Variants in STAB2 observed in about 807,000 individuals in gnomAD.
The protein encoded by STAB2 is stabilin-2.
In STAB2, 288 loss-of-function variants were observed where a neutral mutation model predicts 338.1. The observed-to-expected ratio is 0.85, with a 90% CI of 0.77 to 0.94. STAB2 has a LOEUF of 0.94. Among genes scored for constraint, STAB2 ranks in the 40% least tolerant of loss-of-function variants. The pLI is 0.00. For synonymous variants in STAB2, 1,202 were observed against 1,193.3 expected (o/e 1.01, Z -0.15); for missense variants, 3,141 against 3,210.1 (o/e 0.98, Z 0.52).
intron 33 of STAB2, among the ~76,000 whole-genome samples, chr12:103,698,514 G>A (rs528801689): frequency 6.6e-6 from 1 of 152,200 alleles, no homozygotes; most frequent in East Asian, 1.9e-4. Context: ...GGCTGACATA[G>A]GCTCTCTCAG....
chr12:103,634,456 T>A (rs1826593), intron 6 of STAB2, among the ~76,000 whole-genome samples: 34,862 of 151,982 alleles, frequency 0.23, 4,322 homozygotes, highest in South Asian at 0.41. Context: ...CTACAATCTG[T>A]ATCAAACTTT....
At chr12:103,675,365 T>TG (rs1196185055) in intron 23 of STAB2, among the ~76,000 whole-genome samples, 1 of 152,082 alleles carries the variant, frequency 6.6e-6, no homozygotes, top group Admixed American at 6.6e-5. Context: ...AATGTGGTGT[T>TG]GGGGGAAAAA....
Position 103,763,618 on chromosome 12 carries a change from C to T in STAB2, c.7605+10C>T, listed in dbSNP as rs1280455996. 2.5e-6 allele frequency: 4 copies of T among 1,610,034 alleles called. No homozygotes were observed. In the East Asian group the frequency reaches 8.9e-5, roughly 36 times the overall value. The stretch of plus-strand genomic sequence containing the variant: ...CTACGACCCCTTCACGGTGAGTTTG[C>T]ATTCTTATCTAGGAATAGGTTCCCT... On this transcript the variant is annotated intron_variant, in intron 68 of 68. Coordinates refer to ENST00000388887, the MANE Select transcript of STAB2 (RefSeq NM_017564.10).
Position 103,713,632 on chromosome 12 carries a change from A to T in STAB2, c.4412-11A>T. 1 of 1,613,532 alleles carries T rather than the reference A, an allele frequency of 6.2e-7. No homozygotes were observed. The highest frequency in any genetic ancestry group is 2.2e-5 in the East Asian group (1 of 44,860). ...TCCCTCTCCCCTTCTGCTCTGTGTC[A>T]TCTTCTATAGCAATCAATGCCTGTG... On this transcript the variant is annotated splice_polypyrimidine_tract_variant and intron_variant, in intron 41 of 68. Transcript: ENST00000388887.
chr12:103,660,216 C>A lies in STAB2; in HGVS notation c.1735-115C>A. On this transcript the variant is annotated intron_variant, in intron 15 of 68. Transcript: ENST00000388887. Reference sequence around the variant, plus strand: ...GGGGTTTCTCTCACCCTGGATTTCCCAATAGATTATGGGTCATTTTTCTTG... The same window carrying A: ...GGGGTTTCTCTCACCCTGGATTTCCAAATAGATTATGGGTCATTTTTCTTG... 4.5e-6 allele frequency: 5 copies of A among 1,115,420 alleles called. No homozygotes were observed. In the South Asian group the frequency reaches 5.1e-5, roughly 11 times the overall value. 69.1% of individuals were successfully genotyped at this position (1,115,420 alleles called of 1,614,324 possible). A position where few individuals can be genotyped will look rare whatever the true frequency, so the allele number is the denominator to read the frequency against.
chr12:103,766,439 ACTCAGAAGCCATAC>A lies in STAB2; in HGVS notation c.*108_*121del. On this transcript the variant is annotated 3_prime_UTR_variant, in exon 69 of 69. Transcript: ENST00000388887. ...TTTAGGAACGTAAAGTCCTTTAAGC[ACTCAGAAGCCATAC>A]CTCATCTCTCTGGCTGATCTGGGGG... The A allele has an allele frequency of 7.4e-7, 1 of 1,343,644 alleles. No homozygotes were observed. The highest frequency in any genetic ancestry group is 1.5e-5 in the African/African-American group (1 of 68,418). 83.2% of individuals were successfully genotyped at this position (1,343,644 alleles called of 1,614,324 possible). A position where few individuals can be genotyped will look rare whatever the true frequency, so the allele number is the denominator to read the frequency against.
chr12:103,605,747 T>C (rs564399453), intron 3 of STAB2, among the ~76,000 whole-genome samples: 1 of 152,188 alleles, frequency 6.6e-6, no homozygotes, highest in South Asian at 2.1e-4. Context: ...AATATGTTAA[T>C]TTGAAATCTA....
At position 103,662,989 on chromosome 12, in the gene STAB2, G is replaced by C; in HGVS notation, c.2013G>C (p.Glu671Asp). ...ATCGATGTGATGAAACAAAGAGAGA[G>C]ATGAAACTGGTAAGAAAACTAGGAA... ...LPHRCDETKREMKLGTCVSCS... is the reference protein window; with the variant it reads ...LPHRCDETKRDMKLGTCVSCS... The change falls in exon 18 of 69, where the codon GAG (glutamate) becomes GAC (aspartate). Residue 671 changes from glutamate (E) to aspartate (D), a missense_variant. Glu to Asp is a conservative substitution (Grantham distance 45, BLOSUM62 2). Transcript: ENST00000388887. 1 of 1,613,980 alleles carries C rather than the reference G, an allele frequency of 6.2e-7. No homozygotes were observed. Among genetic ancestry groups the C allele is most frequent in the Non-Finnish European group, 8.5e-7 (1 of 1,179,956 alleles).
intron 3 of STAB2, among the ~76,000 whole-genome samples, chr12:103,597,061 G>A (rs1356712330): frequency 1.3e-5 from 2 of 151,470 alleles, no homozygotes; most frequent in African/African-American, 4.9e-5. Flanking sequence ...GAAAACTGAG[G>A]CCTGGACATT....
intron 63 of STAB2, 69 bp from the exon 64 acceptor site, chr12:103,758,101 C>G (rs530788328): frequency 6.2e-7 from 1 of 1,602,416 alleles, no homozygotes; most frequent in African/African-American, 1.3e-5. Flanking sequence ...TGCCCTGGGA[C>G]CTTCTTCAGC....
At chr12:103,735,678 C>T in intron 52 of STAB2, 98 bp downstream of exon 52, 3 of 1,056,492 alleles carry the variant, frequency 2.8e-6, no homozygotes, top group African/African-American at 1.6e-5. Context: ...TCATTTTTTC[C>T]CCTCCATTCA....
chr12:103,673,553 T>C (rs1876032227), intron 22 of STAB2, among the ~76,000 whole-genome samples: 1 of 151,986 alleles, frequency 6.6e-6, no homozygotes. Context: ...TTCACCATGT[T>C]GCCCAGGCTT....
chr12:103,741,103 T>C (rs992247118), intron 55 of STAB2, among the ~76,000 whole-genome samples: 1 of 152,172 alleles, frequency 6.6e-6, no homozygotes, highest in Admixed American at 6.5e-5. Context: ...GACTTTGATG[T>C]GACTCTCCCT....
chr12:103,603,272 A>G (rs1402246644), intron 3 of STAB2, among the ~76,000 whole-genome samples: 2 of 151,982 alleles, frequency 1.3e-5, no homozygotes, highest in South Asian at 2.1e-4. Flanking sequence ...GGGTTTCATC[A>G]TGTTAGCCAG....
intron 3 of STAB2, among the ~76,000 whole-genome samples, chr12:103,611,649 C>T (rs1208502708): frequency 6.6e-6 from 1 of 152,022 alleles, no homozygotes; most frequent in Non-Finnish European, 1.5e-5. Flanking sequence ...TGCAATTTGC[C>T]AGTGTGTCTT....
intron 60 of STAB2, 29 bp downstream of exon 60, chr12:103,750,749 A>G (rs1883565324): frequency 6.3e-7 from 1 of 1,597,498 alleles, no homozygotes; most frequent in East Asian, 2.2e-5. Flanking sequence ...TATGGCCCAA[A>G]GCACCCTCCT....
intron 25 of STAB2, among the ~76,000 whole-genome samples, chr12:103,681,144 G>A (rs1262787346): frequency 1.3e-5 from 2 of 152,234 alleles, no homozygotes; most frequent in Non-Finnish European, 1.5e-5. Flanking sequence ...AGCAGAGCCT[G>A]CTCATGGGTC....
intron 30 of STAB2, 43 bp from the exon 31 acceptor site, chr12:103,692,769 G>A (rs1424657818): frequency 2.6e-5 from 39 of 1,524,846 alleles, no homozygotes; most frequent in Non-Finnish European, 3.2e-5. Flanking sequence ...CCCAAGGTGC[G>A]CTCTATAAAG....
intron 3 of STAB2, among the ~76,000 whole-genome samples, chr12:103,595,337 T>TTGG (rs1956859082): frequency 2.0e-5 from 3 of 152,056 alleles, no homozygotes; most frequent in Admixed American, 2.0e-4. Flanking sequence ...AGATTGGTTC[T>TTGG]CTTTTGCTTT....
Sources: allele counts gnomAD v4.1 joint callset (sites outside exome capture counted in the v4.1 genomes callset), GRCh38; gene constraint gnomAD v4.1.1; transcripts MANE v1.5; gene names NCBI Gene and HGNC (gene_info 2026-07-23, HGNC 2026-07-21).